The following AMOTL1 variants were observed in gnomAD, a reference collection of about 807,000 sequenced individuals.
AMOTL1 encodes the protein angiomotin-like protein 1.
A neutral mutation model predicts 102.9 loss-of-function variants in AMOTL1; 45 were observed. The observed-to-expected ratio is 0.44, with a 90% confidence interval of 0.34 to 0.56. The LOEUF is 0.56. Ranked by LOEUF, AMOTL1 falls within the 20% of genes least tolerant of loss-of-function variation. The pLI is 0.01. For missense variants in AMOTL1, 1,114 were observed against 1,225.6 expected (o/e 0.91, Z 1.36); for synonymous variants, 481 against 484.7 (o/e 0.99, Z 0.10).
intron 4 of AMOTL1, among the ~76,000 whole-genome samples, chr11:94,823,488 AGGTAT>A (rs1951906186): frequency 6.6e-6 from 1 of 152,092 alleles, no homozygotes; most frequent in Non-Finnish European, 1.5e-5. Flanking sequence ...AGCTTCTTTT[AGGTAT>A]GGTCTGAAAA....
At chr11:94,737,532 A>G (rs1315132453) in intron 2 of AMOTL1, among the ~76,000 whole-genome samples, 4 of 152,370 alleles carry the variant, frequency 2.6e-5, no homozygotes, top group East Asian at 3.9e-4. Context: ...TATGATTATT[A>G]TCTCCATGTT....
At chr11:94,769,460 G>A (rs570904833) in intron 1 of AMOTL1, among the ~76,000 whole-genome samples, 1 of 152,298 alleles carries the variant, frequency 6.6e-6, no homozygotes, top group South Asian at 2.1e-4. Context: ...TCGCGGCGAC[G>A]TGTCCAAGTT....
chr11:94,842,627 C>T (rs1267652675), intron 6 of AMOTL1, among the ~76,000 whole-genome samples: 1 of 152,194 alleles, frequency 6.6e-6, no homozygotes, highest in Non-Finnish European at 1.5e-5. Context: ...ATTTCTTCCC[C>T]ACATTTTAAC....
chr11:94,731,686 C>A (rs1032356485), intron 2 of AMOTL1, among the ~76,000 whole-genome samples: 2 of 152,132 alleles, frequency 1.3e-5, no homozygotes, highest in African/African-American at 4.8e-5. Flanking sequence ...ATTCTGAGTT[C>A]ATGAATGAAA....
chr11:94,764,382 A>T (rs1376075008), upstream of AMOTL1, among the ~76,000 whole-genome samples: 1 of 152,184 alleles, frequency 6.6e-6, no homozygotes, highest in Non-Finnish European at 1.5e-5. Context: ...AAATTTTTAC[A>T]TGCTTTGGTT....
chr11:94,711,668 G>A (rs1331078362), intron 1 of AMOTL1, among the ~76,000 whole-genome samples: 1 of 152,062 alleles, frequency 6.6e-6, no homozygotes, highest in African/African-American at 2.4e-5. Context: ...TTTCAAGAAT[G>A]TTATATAGTC....
rs529162354 is a variant in AMOTL1, at chr11:94,799,222, A to G, written c.200-168A>G. Among the ~76,000 whole-genome samples the G allele has an allele frequency of 7.9e-5, 12 of 152,252 alleles. No homozygotes were observed. The highest frequency in any genetic ancestry group is 7.8e-4 in the Admixed American group (12 of 15,304). On this transcript the variant is annotated intron_variant, in intron 2 of 12. Transcript: ENST00000433060. This position sits in a 1 kb window ranked among gnomAD's most constrained non-coding sequence, Gnocchi z 4.5. ...GAATAGTAGACTCGCTTTGAATTGG[A>G]GAAGAAAATTCCATGAGACATTGCC...
chr11:94,850,048 C>G (rs1341655081), intron 6 of AMOTL1, 66 bp from the exon 7 acceptor site: 9 of 1,485,190 alleles, frequency 6.1e-6, no homozygotes, highest in Non-Finnish European at 8.1e-6. Flanking sequence ...CAGATGTCGA[C>G]TGGCCGTGAG....
At chr11:94,860,869 CT>C (rs967760124) in intron 9 of AMOTL1, among the ~76,000 whole-genome samples, 4 of 152,042 alleles carry the variant, frequency 2.6e-5, no homozygotes, top group African/African-American at 4.8e-5. Context: ...ACGAGAAGGC[CT>C]GTTGGGGTGC....
chr11:94,789,251 TG>T (rs1186352731), intron 1 of AMOTL1, among the ~76,000 whole-genome samples: 1 of 152,146 alleles, frequency 6.6e-6, no homozygotes, highest in African/African-American at 2.4e-5. Flanking sequence ...CTTTGCCTCC[TG>T]GGTTCAAGTG....
chr11:94,802,742 G>A (rs1057138020), intron 3 of AMOTL1, among the ~76,000 whole-genome samples: 1 of 152,182 alleles, frequency 6.6e-6, no homozygotes, highest in African/African-American at 2.4e-5. Flanking sequence ...TAGCCAGCAT[G>A]GCTCCAGTGG....
intron 3 of AMOTL1, among the ~76,000 whole-genome samples, chr11:94,810,777 G>GA (rs983374544): frequency 1.8e-4 from 26 of 143,338 alleles, no homozygotes; most frequent in Non-Finnish European, 3.4e-4. Flanking sequence ...ACTGAGAAGA[G>GA]AAAAAAACTT....
chr11:94,814,241 G>C (rs533810944), intron 3 of AMOTL1, among the ~76,000 whole-genome samples: 2 of 152,302 alleles, frequency 1.3e-5, no homozygotes, highest in African/African-American at 4.8e-5. Context: ...CAGTGATGGT[G>C]ACTAGTTACC....
intron 3 of AMOTL1, among the ~76,000 whole-genome samples, chr11:94,748,711 A>T (rs1950616629): frequency 6.6e-6 from 1 of 152,146 alleles, no homozygotes. Context: ...GCTTTTCCAG[A>T]CCCACTTACC....
chr11:94,713,782 C>A (rs535579757), intron 1 of AMOTL1, among the ~76,000 whole-genome samples: 1 of 151,882 alleles, frequency 6.6e-6, no homozygotes, highest in Non-Finnish European at 1.5e-5. Flanking sequence ...TTTTCTTCTT[C>A]TTTTTCTTTT....
chr11:94,875,106 A>T lies in AMOTL1; in HGVS notation c.*4311A>T, dbSNP rs900999111. 6.6e-6 allele frequency: 1 copy of T among 152,238 alleles called. No individual in the cohort carries two copies. The highest frequency in any genetic ancestry group is 1.5e-5 in the Non-Finnish European group (1 of 68,040). 9.4% of individuals were successfully genotyped at this position (152,238 alleles called of 1,614,324 possible). On this transcript the variant is annotated 3_prime_UTR_variant, in exon 13 of 13. Coordinates refer to ENST00000433060, the MANE Select transcript of AMOTL1 (RefSeq NM_130847.3). ...CTGAGACAGCCTTGGTATATGCTTT[A>T]TAAATGTTTCTTTTCTTGTTGTTTA...
At chr11:94,859,964 G>C (rs1952742890) in intron 9 of AMOTL1, among the ~76,000 whole-genome samples, 1 of 152,046 alleles carries the variant, frequency 6.6e-6, no homozygotes, top group South Asian at 2.1e-4. Flanking sequence ...AAAAATCATA[G>C]ACATGCCAGA....
chr11:94,866,091 A>G lies in AMOTL1; in HGVS notation c.2411A>G (p.His804Arg), dbSNP rs767485257. ...TCCATAGCAGCAGCTACTGGGACACACTCTCGCCAGACCTCTCTTACCAGC... is the reference window on the plus strand; with the variant it reads ...TCCATAGCAGCAGCTACTGGGACACGCTCTCGCCAGACCTCTCTTACCAGC... ...VPSIAAATGT[H>R]SRQTSLTSSQ... is the part of the protein sequence containing the mutation. Residue 804 changes from histidine to arginine, a missense_variant, in exon 11 of 13, where the codon CAC (histidine) becomes CGC (arginine). Coordinates refer to ENST00000433060, the MANE Select transcript of AMOTL1 (RefSeq NM_130847.3). 47 of 1,613,758 alleles carry G rather than the reference A, an allele frequency of 2.9e-5. No individual in the cohort carries two copies. Among genetic ancestry groups the G allele is most frequent in the Non-Finnish European group, 3.6e-5 (43 of 1,179,892 alleles).
At chr11:94,740,325 CG>C (rs1441406685) in intron 2 of AMOTL1, 2 of 152,152 alleles carry the variant, frequency 1.3e-5, no homozygotes, top group African/African-American at 4.8e-5. Flanking sequence ...AGCAGGGAAT[CG>C]GGTTAGAACG....
Sources: gnomAD v4.1 joint callset for allele counts (sites outside exome capture counted in the v4.1 genomes callset) on GRCh38, gnomAD v4.1.1 for gene constraint, Gnocchi (gnomAD v3.1) non-coding constraint, MANE v1.5 for transcripts, NCBI Gene and HGNC (gene_info 2026-07-23, HGNC 2026-07-21) for gene names.